Variants in CDK19 observed in about 807,000 individuals in gnomAD.
CDK19 encodes the protein cyclin dependent kinase 19, also known as cyclin-dependent kinase 19.
In CDK19, 20 loss-of-function variants were observed where a neutral mutation model predicts 68.3. The ratio of observed to expected loss-of-function variants is 0.29; its 90% confidence interval spans 0.21 to 0.43. CDK19 has a LOEUF of 0.43. Among genes scored for constraint, CDK19 ranks in the 20% least tolerant of loss-of-function variants. The pLI is 1.00. For synonymous variants in CDK19, 221 were observed against 222.8 expected (o/e 0.99, Z 0.07); for missense variants, 339 against 623.5 (o/e 0.54, Z 4.86).
At chr6:110,730,111 C>G (rs537151924) in intron 2 of CDK19, among the ~76,000 whole-genome samples, 5 of 152,172 alleles carry the variant, frequency 3.3e-5, no homozygotes, top group Non-Finnish European at 7.3e-5. Flanking sequence ...GGAGTACTAA[C>G]AGCAAAATCC....
intron 2 of CDK19, among the ~76,000 whole-genome samples, chr6:110,707,809 T>C (rs1481417817): frequency 2.0e-5 from 3 of 152,022 alleles, no homozygotes; most frequent in Non-Finnish European, 4.4e-5. Flanking sequence ...CCATGTCTAC[T>C]AAAAATACAA....
rs1779401561 is a variant in CDK19, at chr6:110,630,956, T to A, written c.646+1074A>T. On this transcript the variant is annotated intron_variant, in intron 6 of 12. Coordinates refer to ENST00000368911, the MANE Select transcript of CDK19 (RefSeq NM_015076.5). ...AGGACTTACTATATTTTAATTTTTGTGTTCTTTTTTAACCCATGAGTAGGC... is the reference window on the plus strand; with the variant it reads ...AGGACTTACTATATTTTAATTTTTGAGTTCTTTTTTAACCCATGAGTAGGC... Among the ~76,000 whole-genome samples the A allele has an allele frequency of 2.6e-5, 4 of 152,216 alleles. No individual in the cohort carries two copies. The South Asian group carries it at 8.3e-4, about 32-fold the overall frequency.
intron 1 of CDK19, among the ~76,000 whole-genome samples, chr6:110,781,698 G>A (rs1242344288): frequency 6.6e-6 from 1 of 151,968 alleles, no homozygotes; most frequent in East Asian, 1.9e-4. Context: ...ACAAAAATTA[G>A]CCAGGCGTGT....
intron 2 of CDK19, among the ~76,000 whole-genome samples, chr6:110,720,665 G>C (rs537803267): frequency 6.6e-6 from 1 of 151,990 alleles, no homozygotes; most frequent in African/African-American, 2.4e-5. Context: ...TCAGGAATTC[G>C]AGACCAGTCT....
chr6:110,726,707 A>C (rs1050339424), intron 2 of CDK19, among the ~76,000 whole-genome samples: 2 of 152,294 alleles, frequency 1.3e-5, no homozygotes, highest in African/African-American at 4.8e-5. Flanking sequence ...ACACTTCCAA[A>C]AATGAACCTG....
At chr6:110,774,021 T>TATCACAAGTCTACATATC (rs1251034831) in intron 1 of CDK19, 23 of 152,218 alleles carry the variant, frequency 1.5e-4, no homozygotes, top group Non-Finnish European at 1.9e-4. Flanking sequence ...GCCAAATGCC[T>TATCACAAGTCTACATATC]ATCACAAGTC....
intron 8 of CDK19, 37 bp from the exon 9 acceptor site, chr6:110,623,399 A>C: frequency 6.3e-7 from 1 of 1,595,400 alleles, no homozygotes; most frequent in Non-Finnish European, 8.6e-7. Context: ...CACTGGGAAC[A>C]CTCATCCAAT....
chr6:110,617,775 T>C (rs1487466383), intron 12 of CDK19, among the ~76,000 whole-genome samples: 1 of 133,806 alleles, frequency 7.5e-6, no homozygotes, highest in Admixed American at 8.4e-5. Flanking sequence ...GAGAATCACT[T>C]GAACCCAGGA....
At chr6:110,680,157 AG>A (rs1343841931) in intron 2 of CDK19, among the ~76,000 whole-genome samples, 2 of 152,246 alleles carry the variant, frequency 1.3e-5, no homozygotes, top group Non-Finnish European at 2.9e-5. Context: ...AGGCTTAAAA[AG>A]GAAGACTTCT....
At chr6:110,765,514 T>C (rs1238757654) in intron 1 of CDK19, among the ~76,000 whole-genome samples, 1 of 151,962 alleles carries the variant, frequency 6.6e-6, no homozygotes, top group Non-Finnish European at 1.5e-5. Context: ...ACCCCGTCTC[T>C]ATTAAAAATA....
intron 4 of CDK19, chr6:110,645,913 C>G: frequency 1.1e-6 from 1 of 885,396 alleles, no homozygotes; most frequent in Non-Finnish European, 1.8e-6. Flanking sequence ...CGAACTGTGC[C>G]GGGACAGCAG....
intron 2 of CDK19, among the ~76,000 whole-genome samples, chr6:110,744,474 G>C (rs987151877): frequency 6.6e-6 from 1 of 152,120 alleles, no homozygotes; most frequent in African/African-American, 2.4e-5. Flanking sequence ...CAAGGTTACA[G>C]TGAGATATGA....
In CDK19 at chr6:110,746,155, T is replaced by C. The variant is rs748670469; in HGVS notation, c.175A>G (p.Ile59Val). Residue 59 changes from isoleucine to valine, a missense_variant, in exon 2 of 13, where the codon ATA (isoleucine) becomes GTA (valine). Physicochemically the swap from Ile to Val is conservative, Grantham distance 29. Around this residue, in one of 4 missense-constraint regions of CDK19, gnomAD observed 120 missense variants for 224.0 expected, o/e 0.54. Transcript: ENST00000368911. ...YALKQIEGTG[I>V]SMSACREIAL... ...ATCTCTCTACAAGCCGACATGGATA[T>C]TCCTGTGCCTTCAATTTGCTTCAAT... 6.2e-7 allele frequency: 1 copy of C among 1,603,090 alleles called. No homozygotes were observed. The highest frequency in any genetic ancestry group is 2.3e-5 in the East Asian group (1 of 44,136).
chr6:110,658,829 G>A (rs1217451690), intron 4 of CDK19, among the ~76,000 whole-genome samples: 1 of 152,138 alleles, frequency 6.6e-6, no homozygotes, highest in African/African-American at 2.4e-5. Flanking sequence ...AGAGGTTAAA[G>A]AAAGGGCATC....
chr6:110,701,102 G>C (rs1019455239), intron 2 of CDK19, among the ~76,000 whole-genome samples: 1 of 152,138 alleles, frequency 6.6e-6, no homozygotes, highest in Non-Finnish European at 1.5e-5. Flanking sequence ...TACTCGGGAG[G>C]CTGAGGCAGG....
chr6:110,699,978 T>C (rs893003303), intron 2 of CDK19, among the ~76,000 whole-genome samples: 1 of 152,204 alleles, frequency 6.6e-6, no homozygotes, highest in African/African-American at 2.4e-5. Context: ...AGCAGGTAAG[T>C]AAGCGAAGCT....
chr6:110,785,684 T>C lies in CDK19; in HGVS notation c.128+29325A>G, dbSNP rs568425335. On this transcript the variant is annotated intron_variant, in intron 1 of 12. Transcript: ENST00000368911. ...GGCAGGCACACTTAGTGTAACTTTA[T>C]AGAAATACATCATAGGCCGGGCGCG... is the stretch of plus-strand genomic sequence containing the variant. 6.6e-5 allele frequency among the ~76,000 whole-genome samples: 10 copies of C among 152,094 alleles called. No homozygotes were observed. The South Asian group carries it at 1.4e-3, about 22-fold the overall frequency.
At chr6:110,808,568 T>C (rs1782842902) in intron 1 of CDK19, among the ~76,000 whole-genome samples, 1 of 152,210 alleles carries the variant, frequency 6.6e-6, no homozygotes, top group African/African-American at 2.4e-5. Flanking sequence ...ATCACTGCTC[T>C]AGATTATCAA....
chr6:110,645,727 T>TC (rs1780517618), intron 4 of CDK19: 2 of 447,864 alleles, frequency 4.5e-6, no homozygotes, highest in East Asian at 1.1e-4. Flanking sequence ...GCCAACAGAG[T>TC]CCCTACAGGT....
Sources: allele counts gnomAD v4.1 joint callset (sites outside exome capture counted in the v4.1 genomes callset), GRCh38; gene constraint gnomAD v4.1.1; regional missense constraint gnomAD v4.1.1; transcripts MANE v1.5; gene names NCBI Gene and HGNC (gene_info 2026-07-23, HGNC 2026-07-21).